TCF7L1: variants seen among roughly 807,000 people sequenced by gnomAD.
TCF7L1 encodes transcription factor 7 like 1, also known as transcription factor 7-like 1.
A neutral mutation model predicts 63.7 loss-of-function variants in TCF7L1; 18 were observed. The observed-to-expected ratio is 0.28, with a 90% CI of 0.20 to 0.42. The LOEUF (loss-of-function observed/expected upper bound fraction) is 0.42, where lower values mean the gene tolerates loss of function less well. Among genes scored for constraint, TCF7L1 ranks in the 10% least tolerant of loss-of-function variants. TCF7L1 has a pLI of 1.00. For synonymous variants in TCF7L1, 355 were observed against 340.9 expected (o/e 1.04, Z -0.46); for missense variants, 654 against 779.3 (o/e 0.84, Z 1.91).
At chr2:85,248,597 T>G (rs947176910) in intron 3 of TCF7L1, among the ~76,000 whole-genome samples, 3 of 152,204 alleles carry the variant, frequency 2.0e-5, no homozygotes, top group African/African-American at 7.2e-5. Flanking sequence ...ATTTGTTTAA[T>G]TTTTATCGTT....
chr2:85,192,194 C>A (rs1160677794), intron 3 of TCF7L1, among the ~76,000 whole-genome samples: 1 of 152,162 alleles, frequency 6.6e-6, no homozygotes, highest in East Asian at 1.9e-4. Flanking sequence ...GATATGTCAT[C>A]TTGCAAATGA....
intron 3 of TCF7L1, among the ~76,000 whole-genome samples, chr2:85,273,526 G>C (rs141172334): frequency 6.6e-6 from 1 of 152,360 alleles, no homozygotes; most frequent in African/African-American, 2.4e-5. Flanking sequence ...GTATGGGCAA[G>C]GGTGTGGGGA....
intron 3 of TCF7L1, among the ~76,000 whole-genome samples, chr2:85,264,868 G>T (rs1680932068): frequency 6.6e-6 from 1 of 152,182 alleles, no homozygotes; most frequent in Non-Finnish European, 1.5e-5. Flanking sequence ...TATGGGTTAT[G>T]ATATTGAATT....
At chr2:85,137,404 C>T (rs993150481) in intron 3 of TCF7L1, among the ~76,000 whole-genome samples, 1 of 152,184 alleles carries the variant, frequency 6.6e-6, no homozygotes, top group Non-Finnish European at 1.5e-5. Context: ...AAGAGGTCCC[C>T]TCAGCATGGG....
rs117886899 is a variant in TCF7L1 at position 85,193,102 on chromosome 2, G to A, written c.441+58652G>A. Among the ~76,000 whole-genome samples the A allele has an allele frequency of 1.1e-3, 165 of 152,258 alleles. 8 individuals carry two copies. In the East Asian group the frequency reaches 0.024, roughly 22 times the overall value. ...AGGTTGCTTTGTTAGTTGTAACTCC[G>A]CTGACTGACCACCTTTGCTGTGCTT... is the stretch of plus-strand genomic sequence containing the variant. On this transcript the variant is annotated intron_variant, in intron 3 of 11. Transcript: ENST00000282111.
intron 3 of TCF7L1, among the ~76,000 whole-genome samples, chr2:85,203,056 T>C (rs140072863): frequency 0.025 from 3,861 of 152,222 alleles, 165 homozygotes; most frequent in African/African-American, 0.087. Context: ...AGGATGGTCT[T>C]GATCTCCTGA....
At chr2:85,218,088 G>T (rs1340263629) in intron 3 of TCF7L1, among the ~76,000 whole-genome samples, 3 of 152,088 alleles carry the variant, frequency 2.0e-5, no homozygotes, top group Admixed American at 2.0e-4. Flanking sequence ...TATTTATAGG[G>T]TGAAATTTTC....
At chr2:85,164,752 G>A (rs11684525) in intron 3 of TCF7L1, among the ~76,000 whole-genome samples, 32,668 of 152,158 alleles carry the variant, frequency 0.21, 4,252 homozygotes, top group Non-Finnish European at 0.28. Context: ...CAATTGCAAA[G>A]TGCATTTTTA....
At chr2:85,277,356 A>G (rs1012496357) in intron 3 of TCF7L1, among the ~76,000 whole-genome samples, 1 of 152,150 alleles carries the variant, frequency 6.6e-6, no homozygotes, top group African/African-American at 2.4e-5. Flanking sequence ...CTAAGAGGAC[A>G]AGGAGAGCAT....
chr2:85,141,587 A>G (rs1677740222), intron 3 of TCF7L1, among the ~76,000 whole-genome samples: 1 of 152,206 alleles, frequency 6.6e-6, no homozygotes, highest in Non-Finnish European at 1.5e-5. Context: ...AGAAGAGGAA[A>G]GGGAGGAGCC....
At chr2:85,150,293 A>G (rs554157113) in intron 3 of TCF7L1, among the ~76,000 whole-genome samples, 12 of 148,886 alleles carry the variant, frequency 8.1e-5, no homozygotes, top group South Asian at 6.3e-4. Context: ...GAGTGCAGTG[A>G]AGCGATCTCA....
rs1573038328 is a variant in TCF7L1 at position 85,309,767 on chromosome 2, C to G, written c.*305C>G. The G allele has an allele frequency of 3.2e-6, 1 of 317,366 alleles. No homozygotes were observed. Among genetic ancestry groups the G allele is most frequent in the Non-Finnish European group, 5.7e-6 (1 of 174,062 alleles). The allele number at this position is 317,366 out of a possible 1,614,324, so 19.7% of individuals were successfully genotyped here. On this transcript the variant is annotated 3_prime_UTR_variant, in exon 12 of 12. Coordinates refer to ENST00000282111, the MANE Select transcript of TCF7L1 (RefSeq NM_031283.3). ...GGGCAGAGGGCACTTCTCTCTCTTA[C>G]CTCTCTTGCACTTTCTGTCTCCTGT...
chr2:85,293,973 G>A (rs1681782469), intron 4 of TCF7L1, among the ~76,000 whole-genome samples: 1 of 147,688 alleles, frequency 6.8e-6, no homozygotes, highest in Admixed American at 6.8e-5. Flanking sequence ...AAAGATTGCT[G>A]AACCCCACCC....
At chr2:85,148,173 A>G (rs1376074513) in intron 3 of TCF7L1, among the ~76,000 whole-genome samples, 1 of 152,146 alleles carries the variant, frequency 6.6e-6, no homozygotes, top group Non-Finnish European at 1.5e-5. Context: ...CATCTTCACA[A>G]GGGTGTTCCC....
intron 3 of TCF7L1, among the ~76,000 whole-genome samples, chr2:85,155,374 G>A (rs999311223): frequency 3.9e-5 from 6 of 152,134 alleles, no homozygotes; most frequent in African/African-American, 1.2e-4. Flanking sequence ...TTGTTCTTTC[G>A]GTCTTCACAA....
intron 3 of TCF7L1, among the ~76,000 whole-genome samples, chr2:85,276,920 G>C (rs1346011636): frequency 1.3e-5 from 2 of 152,132 alleles, no homozygotes; most frequent in Non-Finnish European, 2.9e-5. Flanking sequence ...TGCCAGGGAG[G>C]GTGACCTTGG....
At chr2:85,165,337 T>A (rs1678392546) in intron 3 of TCF7L1, among the ~76,000 whole-genome samples, 1 of 151,662 alleles carries the variant, frequency 6.6e-6, no homozygotes, top group Non-Finnish European at 1.5e-5. Flanking sequence ...ACATCAGAGA[T>A]TAGGTGATTA....
chr2:85,168,224 A>ACACACACAC (rs1558622099), intron 3 of TCF7L1, among the ~76,000 whole-genome samples: 3 of 96,400 alleles, frequency 3.1e-5, no homozygotes, highest in African/African-American at 1.0e-4. Flanking sequence ...CACACACACA[A>ACACACACAC]AGGGACACAA....
At chr2:85,214,012 G>A (rs751110158) in intron 3 of TCF7L1, among the ~76,000 whole-genome samples, 2 of 152,240 alleles carry the variant, frequency 1.3e-5, no homozygotes, top group African/African-American at 4.8e-5. Flanking sequence ...ACCCCGGAAC[G>A]CCCCTGACTC....
Sources: gnomAD v4.1 joint callset for allele counts (sites outside exome capture counted in the v4.1 genomes callset) on GRCh38, gnomAD v4.1.1 for gene constraint, MANE v1.5 for transcripts, NCBI Gene and HGNC (gene_info 2026-07-23, HGNC 2026-07-21) for gene names.